Variants in FRMD4A observed in about 807,000 individuals in gnomAD.
The protein encoded by FRMD4A is FERM domain-containing protein 4A.
FRMD4A carries 29 observed loss-of-function variants against 129.1 expected under a neutral mutation model. That is an observed-to-expected ratio of 0.22 (90% CI 0.17 to 0.31). FRMD4A has a LOEUF of 0.31. FRMD4A is among the 10% of genes least tolerant of loss of function. The pLI is 1.00. For missense variants in FRMD4A, 1,272 were observed against 1,375.8 expected (o/e 0.92, Z 1.19); for synonymous variants, 634 against 571.6 (o/e 1.11, Z -1.56).
intron 2 of FRMD4A, among the ~76,000 whole-genome samples, chr10:14,028,012 T>C (rs751543501): frequency 1.2e-4 from 18 of 152,072 alleles, no homozygotes; most frequent in Non-Finnish European, 2.2e-4. Context: ...TGAAGATACA[T>C]TCATACAAGC....
At chr10:14,105,666 G>C (rs1048315249) in intron 2 of FRMD4A, among the ~76,000 whole-genome samples, 1 of 152,104 alleles carries the variant, frequency 6.6e-6, no homozygotes, top group African/African-American at 2.4e-5. Context: ...TGAAAAAGTT[G>C]GTTTGTTTGA....
chr10:13,949,301 C>CAAAAAA (rs34006963), intron 2 of FRMD4A, among the ~76,000 whole-genome samples: 6 of 98,778 alleles, frequency 6.1e-5, no homozygotes, highest in Admixed American at 1.1e-4. Context: ...TTCTAGTGAT[C>CAAAAAA]AAAAAAAAAA....
In FRMD4A at chr10:14,248,432, A is replaced by G. The variant is rs1276031760; in HGVS notation, c.45+81626T>C. On this transcript the variant is annotated intron_variant, in intron 2 of 24. Coordinates refer to ENST00000357447, the MANE Select transcript of FRMD4A (RefSeq NM_018027.5). ...TCTTACATATTACAGAATTTTATTC[A>G]TCAATGTGTTCGTTATCTCTAGAGC... is the stretch of plus-strand genomic sequence containing the variant. Among the ~76,000 whole-genome samples, 3 of 152,180 alleles carry G rather than the reference A, an allele frequency of 2.0e-5. No individual in the cohort carries two copies. The East Asian group carries it at 5.8e-4, about 29-fold the overall frequency.
chr10:13,673,479 G>C lies in FRMD4A; in HGVS notation c.1251+1432C>G, dbSNP rs193222509. Among the ~76,000 whole-genome samples, 371 of 152,204 alleles carry C rather than the reference G, an allele frequency of 2.4e-3. 3 individuals carry two copies. Among genetic ancestry groups the C allele is most frequent in the African/African-American group, 7.9e-3 (329 of 41,518 alleles). On this transcript the variant is annotated intron_variant, in intron 16 of 24. Coordinates refer to ENST00000357447, the MANE Select transcript of FRMD4A (RefSeq NM_018027.5). ...GACTTCCCATTCTCAACTGTTTACC[G>C]GCGAAGCTCTTTCTAAGGTTAGGTG...
At chr10:14,201,040 T>C (rs779390622) in intron 2 of FRMD4A, among the ~76,000 whole-genome samples, 2 of 152,196 alleles carry the variant, frequency 1.3e-5, no homozygotes, top group African/African-American at 2.4e-5. Context: ...TCCTACTTCC[T>C]TGGACACCAG....
intron 2 of FRMD4A, among the ~76,000 whole-genome samples, chr10:14,206,761 C>T (rs1169916305): frequency 2.3e-5 from 3 of 128,110 alleles, no homozygotes; most frequent in Admixed American, 1.0e-4. Context: ...GAGCTGAGAT[C>T]GCGCCACTAC....
At chr10:13,743,317 G>A (rs1215023949) in intron 9 of FRMD4A, among the ~76,000 whole-genome samples, 2 of 152,146 alleles carry the variant, frequency 1.3e-5, no homozygotes, top group Non-Finnish European at 2.9e-5. Context: ...AGGTTCAGCG[G>A]CTCCACTTCC....
intron 2 of FRMD4A, among the ~76,000 whole-genome samples, chr10:14,143,353 T>G (rs1019988516): frequency 2.0e-5 from 3 of 152,334 alleles, no homozygotes; most frequent in Admixed American, 1.3e-4. Flanking sequence ...CTTGGGGACA[T>G]CATGCTAAGT....
chr10:13,690,990 G>C (rs10796114), intron 15 of FRMD4A, among the ~76,000 whole-genome samples: 53,029 of 151,852 alleles, frequency 0.35, 9,909 homozygotes, highest in African/African-American at 0.48. Context: ...GATTTCATTT[G>C]TGTGTGTGTG....
At chr10:13,915,859 G>A (rs923419709) in intron 2 of FRMD4A, among the ~76,000 whole-genome samples, 1 of 152,232 alleles carries the variant, frequency 6.6e-6, no homozygotes, top group African/African-American at 2.4e-5. Flanking sequence ...CCCTGTGGGC[G>A]GTTGGCCTCC....
intron 2 of FRMD4A, among the ~76,000 whole-genome samples, chr10:14,281,244 G>C (rs1363747126): frequency 6.6e-6 from 1 of 151,942 alleles, no homozygotes; most frequent in Non-Finnish European, 1.5e-5. Context: ...TGCCAGCCTT[G>C]GCCTCCCAAA....
At chr10:13,866,199 A>T in intron 2 of FRMD4A, 1 of 457,786 alleles carries the variant, frequency 2.2e-6, no homozygotes, top group Non-Finnish European at 2.9e-6. Context: ...GCTATCCTTT[A>T]AAACTTAGTC....
intron 2 of FRMD4A, among the ~76,000 whole-genome samples, chr10:14,205,109 T>C (rs1842745489): frequency 6.6e-6 from 1 of 151,230 alleles, no homozygotes; most frequent in African/African-American, 2.4e-5. Context: ...TAAACCAAAA[T>C]CTTACCTAAA....
At chr10:13,710,949 G>C (rs1278158121) in intron 12 of FRMD4A, among the ~76,000 whole-genome samples, 1 of 152,186 alleles carries the variant, frequency 6.6e-6, no homozygotes, top group Admixed American at 6.5e-5. Flanking sequence ...GGGAGGCAGA[G>C]GTTGCAGTGA....
rs1297931756 is a variant in FRMD4A at position 13,932,158 on chromosome 10, T to C, written c.46-73246A>G. Among the ~76,000 whole-genome samples, 8 of 152,344 alleles carry C rather than the reference T, an allele frequency of 5.3e-5. No homozygotes were observed. In the East Asian group the frequency reaches 1.5e-3, roughly 29 times the overall value. On this transcript the variant is annotated intron_variant, in intron 2 of 24. Transcript: ENST00000357447. Reference sequence around the variant, plus strand: ...TCCAGACCCATTGACCAAGTCTAAGTTTTGCAGAAGCAATAACCTGGTCCT... The same window carrying C: ...TCCAGACCCATTGACCAAGTCTAAGCTTTGCAGAAGCAATAACCTGGTCCT...
At chr10:13,856,217 AGTGTGTGTGTGTGTGTGTGT>A (rs36225405) in intron 3 of FRMD4A, among the ~76,000 whole-genome samples, 22 of 145,998 alleles carry the variant, frequency 1.5e-4, no homozygotes, top group Non-Finnish European at 2.6e-4. Context: ...ATTTTGTGCA[AGTGTGTGTGTGTGTGTGTGT>A]GTGTGTGTGT....
intron 2 of FRMD4A, chr10:13,972,350 T>C (rs1346691140): frequency 3.0e-6 from 3 of 984,006 alleles, no homozygotes; most frequent in Non-Finnish European, 2.4e-6. Flanking sequence ...AGTCCCATTC[T>C]GTAGCAGCAC....
intron 2 of FRMD4A, among the ~76,000 whole-genome samples, chr10:13,897,529 C>T (rs2094771908): frequency 1.3e-5 from 2 of 152,164 alleles, no homozygotes; most frequent in South Asian, 2.1e-4. Flanking sequence ...GCAGATGACA[C>T]GAGACCCTAT....
intron 2 of FRMD4A, among the ~76,000 whole-genome samples, chr10:14,227,013 C>T (rs921905142): frequency 1.3e-5 from 2 of 152,102 alleles, no homozygotes; most frequent in African/African-American, 4.8e-5. Flanking sequence ...CTCAGGCCTG[C>T]CACGATCTAG....
Sources: allele counts gnomAD v4.1 joint callset (sites outside exome capture counted in the v4.1 genomes callset), GRCh38; gene constraint gnomAD v4.1.1; transcripts MANE v1.5; gene names NCBI Gene and HGNC (gene_info 2026-07-23, HGNC 2026-07-21).